The following TLN2 variants were observed in gnomAD, a reference collection of about 807,000 sequenced individuals.
TLN2 encodes the protein talin-2.
A neutral mutation model predicts 294.7 loss-of-function variants in TLN2; 118 were observed. The observed-to-expected ratio is 0.40, with a 90% CI of 0.34 to 0.47. TLN2 has a LOEUF of 0.47. TLN2 is among the 20% of genes least tolerant of loss of function. The pLI is 0.84. For synonymous variants in TLN2, 1,431 were observed against 1,304.5 expected, an observed-to-expected ratio of 1.10 and a Z score of -2.09; for missense variants, 3,083 against 3,282.2, an observed-to-expected ratio of 0.94 and a Z score of 1.48.
At chr15:62,401,236 T>G (rs1283133330) in intron 1 of TLN2, among the ~76,000 whole-genome samples, 1 of 152,212 alleles carries the variant, frequency 6.6e-6, no homozygotes, top group Non-Finnish European at 1.5e-5. Context: ...CTCCTAGTTC[T>G]AAAATTTTTT....
chr15:62,582,227 CACACACACACACACACA>C (rs2045151849), intron 1 of TLN2, among the ~76,000 whole-genome samples: 6 of 146,220 alleles, frequency 4.1e-5, no homozygotes, highest in Non-Finnish European at 7.5e-5. Flanking sequence ...CACACACACA[CACACACACACACACACA>C]CACATTCATG....
intron 34 of TLN2, 101 bp from the exon 35 acceptor site, chr15:62,752,204 A>T: frequency 6.9e-7 from 1 of 1,454,404 alleles, no homozygotes; most frequent in Non-Finnish European, 9.3e-7. Context: ...AAATGTTCCA[A>T]ATTAAGTTGC....
At chr15:62,596,017 T>TTTG (rs1482661461) in intron 2 of TLN2, among the ~76,000 whole-genome samples, 3 of 152,148 alleles carry the variant, frequency 2.0e-5, no homozygotes, top group Non-Finnish European at 4.4e-5. Context: ...GGCTCACGCC[T>TTTG]GTAATCTCAG....
At chr15:62,744,004 A>G (rs2140977551) in intron 32 of TLN2, among the ~76,000 whole-genome samples, 1 of 152,232 alleles carries the variant, frequency 6.6e-6, no homozygotes, top group Admixed American at 6.5e-5. Flanking sequence ...AAGCAGCACA[A>G]ACGAGAAGAG....
At chr15:62,769,001 T>C (rs2063188242) in intron 41 of TLN2, among the ~76,000 whole-genome samples, 1 of 152,230 alleles carries the variant, frequency 6.6e-6, no homozygotes, top group South Asian at 2.1e-4. Context: ...AATCCAGTGA[T>C]TCTGAAGCCA....
At position 62,708,672 on chromosome 15, in the gene TLN2, C is replaced by A. The variant is rs779128054; in HGVS notation, c.2343C>A (p.Leu781=). 1.2e-6 allele frequency: 2 copies of A among 1,614,032 alleles called. No individual in the cohort carries two copies. The highest frequency in any genetic ancestry group is 1.7e-6 in the Non-Finnish European group (2 of 1,180,054). ...CGGCCAGCGTGGTCAGCCAGGCCCT[C>A]CATGATCTCCTGCAGCATGTGCGGC... ...SAAASVVSQA[L]HDLLQHVRQF... The change falls in exon 21 of 59, where the codon CTC becomes CTA. Residue 781 remains leucine, a synonymous_variant. Coordinates refer to ENST00000636159, the MANE Select transcript of TLN2 (RefSeq NM_015059.3).
chr15:62,400,811 G>GTTT (rs1566943431), intron 1 of TLN2, among the ~76,000 whole-genome samples: 1 of 140,022 alleles, frequency 7.1e-6, no homozygotes, highest in Admixed American at 7.6e-5. Context: ...TTATGTTTCC[G>GTTT]GTTTTTTTTT....
At chr15:62,512,969 C>A (rs1226285086) in intron 1 of TLN2, among the ~76,000 whole-genome samples, 1 of 152,158 alleles carries the variant, frequency 6.6e-6, no homozygotes, top group African/African-American at 2.4e-5. Flanking sequence ...TTGCTTCAAG[C>A]CTGCTTTCCT....
At chr15:62,444,839 G>C (rs1459765143) in intron 1 of TLN2, among the ~76,000 whole-genome samples, 1 of 152,204 alleles carries the variant, frequency 6.6e-6, no homozygotes, top group Non-Finnish European at 1.5e-5. Context: ...GGGTGCATAT[G>C]GTGTTGGATG....
intron 54 of TLN2, chr15:62,828,518 A>G (rs2068442283): frequency 6.6e-6 from 1 of 152,242 alleles, no homozygotes; most frequent in African/African-American, 2.4e-5. Flanking sequence ...GCCTCTTGGT[A>G]AAATGCCACT....
In TLN2 at chr15:62,708,741, T is replaced by C. The variant is rs1270760858; in HGVS notation, c.2412T>C (p.Ala804=). 1 of 1,610,900 alleles carries C rather than the reference T, an allele frequency of 6.2e-7. No individual in the cohort carries two copies. The highest frequency in any genetic ancestry group is 1.1e-5 in the South Asian group (1 of 91,072). Residue 804 remains alanine, a synonymous_variant, in exon 21 of 59, where the codon GCT becomes GCC. Coordinates refer to ENST00000636159, the MANE Select transcript of TLN2 (RefSeq NM_015059.3). ...AGCCCATCGGCCGCTACGACCAGGC[T>C]ACTGACACCATCATGTGTGTCACCG... ...RGEPIGRYDQ[A]TDTIMCVTES... is the part of the protein sequence containing the mutation.
chr15:62,823,332 A>G (rs2067742452), intron 54 of TLN2, among the ~76,000 whole-genome samples: 1 of 152,230 alleles, frequency 6.6e-6, no homozygotes, highest in Admixed American at 6.5e-5. Flanking sequence ...GCCTTTATAA[A>G]GGAATTTATT....
intron 54 of TLN2, chr15:62,823,966 C>T (rs2067810872): frequency 1.9e-6 from 1 of 530,076 alleles, no homozygotes; most frequent in Non-Finnish European, 3.9e-6. Context: ...CTGCAGGCCT[C>T]TGTGTGATAT....
chr15:62,792,016 A>G (rs2065109274), intron 45 of TLN2, among the ~76,000 whole-genome samples: 1 of 152,184 alleles, frequency 6.6e-6, no homozygotes, highest in Admixed American at 6.5e-5. Flanking sequence ...AGCTCTAAAA[A>G]TGTACCTTTT....
At position 62,841,723 on chromosome 15, in the gene TLN2, T is replaced by TTTCATA. The variant is rs1327464100; in HGVS notation, c.*1116_*1121dup. 2.0e-5 allele frequency: 3 copies of TTTCATA among 152,140 alleles called. No individual in the cohort carries two copies. Among genetic ancestry groups the TTTCATA allele is most frequent in the Admixed American group, 2.0e-4 (3 of 15,254 alleles). 9.4% of individuals were successfully genotyped at this position (152,140 alleles called of 1,614,324 possible). On this transcript the variant is annotated 3_prime_UTR_variant, in exon 59 of 59. Transcript: ENST00000636159. ...TTTTCTGGATGTCACACTTCCAGAA[T>TTTCATA]TTCATATTTTTCCCCTCTTTTCTTT...
At chr15:62,729,825 T>TC (rs1366257103) in intron 28 of TLN2, among the ~76,000 whole-genome samples, 5 of 152,116 alleles carry the variant, frequency 3.3e-5, no homozygotes, top group Admixed American at 3.3e-4. Context: ...GTTCCTTTTT[T>TC]TCCCCTTTGC....
chr15:62,611,011 C>T (rs1346817735), intron 2 of TLN2, among the ~76,000 whole-genome samples: 1 of 152,134 alleles, frequency 6.6e-6, no homozygotes, highest in Non-Finnish European at 1.5e-5. Flanking sequence ...CCCTTCCTGG[C>T]ACCTGCCTGA....
At chr15:62,756,515 C>T (rs1242102304) in intron 37 of TLN2, among the ~76,000 whole-genome samples, 2 of 152,116 alleles carry the variant, frequency 1.3e-5, no homozygotes, top group African/African-American at 4.8e-5. Flanking sequence ...CCCCAGCCTT[C>T]AAAGGAGCAT....
intron 32 of TLN2, among the ~76,000 whole-genome samples, chr15:62,741,949 C>T (rs2061353417): frequency 6.7e-6 from 1 of 149,976 alleles, no homozygotes; most frequent in South Asian, 2.1e-4. Context: ...TAAAGCTCTC[C>T]TTAGCTCTCA....
Sources: gnomAD v4.1 joint callset for allele counts (sites outside exome capture counted in the v4.1 genomes callset) on GRCh38, gnomAD v4.1.1 for gene constraint, MANE v1.5 for transcripts, NCBI Gene and HGNC (gene_info 2026-07-23, HGNC 2026-07-21) for gene names.